GRK5: variants seen among roughly 807,000 people sequenced by gnomAD.
GRK5 encodes g protein-coupled receptor kinase GRK5.
A neutral mutation model predicts 78.4 loss-of-function variants in GRK5; 40 were observed. That is an observed-to-expected ratio of 0.51 (90% confidence interval 0.40 to 0.66). The LOEUF (loss-of-function observed/expected upper bound fraction) is 0.66, where lower values mean the gene tolerates loss of function less well. GRK5 is among the 30% of genes least tolerant of loss of function. The probability of loss-of-function intolerance (pLI) is 0.00; values close to 1 mark genes in which losing one functional copy is unlikely to be tolerated. For missense variants in GRK5, 598 were observed against 759.9 expected (o/e 0.79, Z 2.50); for synonymous variants, 289 against 296.8 (o/e 0.97, Z 0.27).
chr10:119,251,097 C>G (rs998666492), intron 1 of GRK5, among the ~76,000 whole-genome samples: 14 of 149,394 alleles, frequency 9.4e-5, no homozygotes, highest in African/African-American at 3.5e-4. Flanking sequence ...TTCTTTCCTC[C>G]CCTCACTTTT....
chr10:119,375,269 TC>T (rs2133824615), intron 2 of GRK5, among the ~76,000 whole-genome samples: 1 of 152,236 alleles, frequency 6.6e-6, no homozygotes, highest in Admixed American at 6.5e-5. Flanking sequence ...AGGTTTCACC[TC>T]CCCACTGTAG....
chr10:119,384,676 G>A (rs968556859), intron 3 of GRK5, among the ~76,000 whole-genome samples: 1 of 151,066 alleles, frequency 6.6e-6, no homozygotes, highest in African/African-American at 2.4e-5. Context: ...AGCCCACAGT[G>A]CCACACGTAA....
chr10:119,359,695 T>C (rs1851326665), intron 2 of GRK5, among the ~76,000 whole-genome samples: 1 of 152,212 alleles, frequency 6.6e-6, no homozygotes. Context: ...TCGCTTGCCT[T>C]CCTCATCCGG....
Position 119,270,920 on chromosome 10 carries a change from C to T in GRK5, c.53-55596C>T, listed in dbSNP as rs549416062. ...ATCTGTGTTTGAGTGAGTTGGCATG[C>T]TGGGCCCCTGGCGGAACACAAATGT... On this transcript the variant is annotated intron_variant, in intron 1 of 15. Transcript: ENST00000392870. Among the ~76,000 whole-genome samples, 4 of 152,330 alleles carry T rather than the reference C, an allele frequency of 2.6e-5. No individual in the cohort carries two copies. The East Asian group carries it at 7.7e-4, about 29-fold the overall frequency.
intron 1 of GRK5, among the ~76,000 whole-genome samples, chr10:119,294,392 GCTGGGT>G (rs1387870894): frequency 6.6e-6 from 1 of 152,168 alleles, no homozygotes. Flanking sequence ...GGGGTGAGGG[GCTGGGT>G]TGCAGGGAAA....
chr10:119,245,015 C>T (rs1849083904), intron 1 of GRK5, among the ~76,000 whole-genome samples: 1 of 152,160 alleles, frequency 6.6e-6, no homozygotes, highest in South Asian at 2.1e-4. Flanking sequence ...CGGTGGCTCG[C>T]ACCTGTAATC....
chr10:119,411,842 C>CTTTTTTTTTTTTTTTTTTTTTTTTTTT (rs10578557), intron 4 of GRK5, among the ~76,000 whole-genome samples: 4 of 95,988 alleles, frequency 4.2e-5, no homozygotes, highest in East Asian at 2.9e-4. Flanking sequence ...AGATCTGCTT[C>CTTTTTTTTTTTTTTTTTTTTTTTTTTT]TTTTTTTTTT....
chr10:119,325,489 A>T (rs1850659759), intron 1 of GRK5, among the ~76,000 whole-genome samples: 2 of 152,264 alleles, frequency 1.3e-5, no homozygotes, highest in South Asian at 4.1e-4. Context: ...CACCCGGAGC[A>T]AGCAGACGAG....
chr10:119,284,241 T>C (rs765655513), intron 1 of GRK5, among the ~76,000 whole-genome samples: 1 of 152,198 alleles, frequency 6.6e-6, no homozygotes, highest in Non-Finnish European at 1.5e-5. Context: ...GAGGAACAAC[T>C]GATATTATTT....
intron 1 of GRK5, among the ~76,000 whole-genome samples, chr10:119,272,191 C>T (rs531276478): frequency 1.2e-4 from 19 of 152,324 alleles, no homozygotes; most frequent in African/African-American, 3.4e-4. Context: ...CTAAATGGGA[C>T]GGTCCTGGGT....
chr10:119,369,734 A>G (rs558450713), intron 2 of GRK5, among the ~76,000 whole-genome samples: 96 of 152,312 alleles, frequency 6.3e-4, no homozygotes, highest in African/African-American at 2.2e-3. Context: ...AGGCTAGCAC[A>G]AAAGTGGAGG....
Position 119,236,512 on chromosome 10 carries a change from C to CCCCT in GRK5, c.52+28544_52+28547dup, listed in dbSNP as rs937073135. On this transcript the variant is annotated intron_variant, in intron 1 of 15. Coordinates refer to ENST00000392870, the MANE Select transcript of GRK5 (RefSeq NM_005308.3). ...TACAGGCGTGAGCCACTGCGCCTGG[C>CCCCT]CCCTACACACTATTTTAAAAATCGG... Among the ~76,000 whole-genome samples the CCCCT allele has an allele frequency of 2.0e-4, 31 of 152,280 alleles. No homozygotes were observed. In the Middle Eastern group the frequency reaches 0.01, roughly 50 times the overall value.
intron 1 of GRK5, among the ~76,000 whole-genome samples, chr10:119,284,721 A>C (rs1554902495): frequency 6.6e-6 from 1 of 152,188 alleles, no homozygotes; most frequent in Non-Finnish European, 1.5e-5. Flanking sequence ...AGGTGATGAA[A>C]GGGCCTAACA....
chr10:119,230,852 AAG>A (rs1554896883), intron 1 of GRK5, among the ~76,000 whole-genome samples: 3 of 150,756 alleles, frequency 2.0e-5, no homozygotes, highest in South Asian at 4.2e-4. Context: ...AAAAAAAAAA[AAG>A]AGCCACTGAG....
chr10:119,373,926 G>T (rs770948182), intron 2 of GRK5, among the ~76,000 whole-genome samples: 1 of 152,206 alleles, frequency 6.6e-6, no homozygotes, highest in Non-Finnish European at 1.5e-5. Flanking sequence ...CTGAATCGTT[G>T]TGAAAGAGAC....
intron 1 of GRK5, among the ~76,000 whole-genome samples, chr10:119,237,640 T>G (rs551546907): frequency 2.8e-4 from 43 of 152,012 alleles, no homozygotes; most frequent in African/African-American, 9.2e-4. Context: ...AGCTACTTGA[T>G]AGAAGTATTC....
At chr10:119,357,649 T>C (rs893100556) in intron 2 of GRK5, among the ~76,000 whole-genome samples, 5 of 152,186 alleles carry the variant, frequency 3.3e-5, no homozygotes, top group African/African-American at 1.2e-4. Context: ...CAATAGCGGC[T>C]CACACTCAGG....
chr10:119,305,941 G>A (rs772902873), intron 1 of GRK5, among the ~76,000 whole-genome samples: 1 of 152,182 alleles, frequency 6.6e-6, no homozygotes, highest in Non-Finnish European at 1.5e-5. Context: ...CAGTGAGGAA[G>A]CAGGTGACGG....
At chr10:119,326,724 A>G (rs1219291518) in intron 2 of GRK5, 113 bp downstream of exon 2, 4 of 765,464 alleles carry the variant, frequency 5.2e-6, no homozygotes, top group Non-Finnish European at 9.1e-6. Context: ...CAGTGAGGCA[A>G]ATGCCAATCA....
Sources: gnomAD v4.1 joint callset for allele counts (sites outside exome capture counted in the v4.1 genomes callset) on GRCh38, gnomAD v4.1.1 for gene constraint, MANE v1.5 for transcripts, NCBI Gene and HGNC (gene_info 2026-07-23, HGNC 2026-07-21) for gene names.